WWOX: variants seen among roughly 807,000 people sequenced by gnomAD.
The protein encoded by WWOX is WW domain-containing oxidoreductase.
A neutral mutation model predicts 46.2 loss-of-function variants in WWOX; 69 were observed. The ratio of observed to expected loss-of-function variants is 1.49; its 90% CI spans 1.23 to 1.82. WWOX has a LOEUF of 1.82. Among genes scored for constraint, WWOX ranks in the 40% most tolerant of loss-of-function variants. The probability of loss-of-function intolerance (pLI) is 0.00; values close to 1 mark genes in which losing one functional copy is unlikely to be tolerated. For missense variants in WWOX, 919 were observed against 542.6 expected, an observed-to-expected ratio of 1.69 and a Z score of -6.89; for synonymous variants, 359 against 202.6, an observed-to-expected ratio of 1.77 and a Z score of -6.56.
At chr16:78,482,306 G>A (rs1416941134) in intron 8 of WWOX, among the ~76,000 whole-genome samples, 2 of 152,050 alleles carry the variant, frequency 1.3e-5, no homozygotes, top group African/African-American at 4.8e-5. Context: ...CGCGATCTTG[G>A]CTCACTGCAA....
intron 6 of WWOX, among the ~76,000 whole-genome samples, chr16:78,424,381 A>T (rs1421026098): frequency 6.6e-6 from 1 of 151,966 alleles, no homozygotes; most frequent in Non-Finnish European, 1.5e-5. Flanking sequence ...TGGCCTCCCA[A>T]AGTGCTGGGA....
At chr16:78,259,272 A>C (rs953463462) in intron 5 of WWOX, among the ~76,000 whole-genome samples, 1 of 152,234 alleles carries the variant, frequency 6.6e-6, no homozygotes, top group African/African-American at 2.4e-5. Flanking sequence ...AAAATGTTTA[A>C]AGTTATTAGC....
intron 5 of WWOX, among the ~76,000 whole-genome samples, chr16:78,372,883 A>G (rs775035378): frequency 2.6e-5 from 4 of 152,192 alleles, no homozygotes; most frequent in East Asian, 1.9e-4. Flanking sequence ...AGCAGCTACT[A>G]TGAGGCTATT....
chr16:79,146,023 T>A (rs932721391), intron 8 of WWOX, among the ~76,000 whole-genome samples: 2 of 152,204 alleles, frequency 1.3e-5, no homozygotes, highest in Non-Finnish European at 2.9e-5. Flanking sequence ...ATTAAGATTA[T>A]TTTCTAACCC....
chr16:78,814,477 A>C (rs763974890), intron 8 of WWOX, among the ~76,000 whole-genome samples: 8 of 152,198 alleles, frequency 5.3e-5, no homozygotes, highest in Non-Finnish European at 7.3e-5. Context: ...CTTGAAAAAA[A>C]AAAAATTAAG....
intron 8 of WWOX, chr16:79,077,528 C>T (rs577579545): frequency 3.9e-5 from 6 of 152,022 alleles, no homozygotes; most frequent in Non-Finnish European, 7.3e-5. Context: ...AAACATGCAG[C>T]TGTGGGGTTT....
intron 8 of WWOX, among the ~76,000 whole-genome samples, chr16:79,104,871 G>A (rs1344970622): frequency 1.3e-5 from 2 of 152,116 alleles, no homozygotes; most frequent in Non-Finnish European, 1.5e-5. Flanking sequence ...TCCAAACCTC[G>A]ACAGACAGCG....
chr16:79,053,835 A>C (rs566361555), intron 8 of WWOX, among the ~76,000 whole-genome samples: 3 of 152,160 alleles, frequency 2.0e-5, no homozygotes, highest in African/African-American at 4.8e-5. Flanking sequence ...TGCAGCTTCT[A>C]TTTAGGTAGG....
intron 8 of WWOX, among the ~76,000 whole-genome samples, chr16:79,050,246 C>T (rs985325646): frequency 6.6e-6 from 1 of 152,172 alleles, no homozygotes; most frequent in Non-Finnish European, 1.5e-5. Context: ...CCCCCTGTGT[C>T]TGTGGGTCAG....
At position 78,508,219 on chromosome 16, in the gene WWOX, C is replaced by T. The variant is rs1003157637; in HGVS notation, c.1056+75467C>T. ...AGAGACAGGGTTTCGCCATGTTGGC[C>T]GGGCTGGTCTTGAACTCCTGATCTC... On this transcript the variant is annotated intron_variant, in intron 8 of 8. Coordinates refer to ENST00000566780, the MANE Select transcript of WWOX (RefSeq NM_016373.4). 4.0e-5 allele frequency among the ~76,000 whole-genome samples: 6 copies of T among 150,974 alleles called. No homozygotes were observed. The East Asian group carries it at 9.8e-4, about 25-fold the overall frequency.
intron 5 of WWOX, among the ~76,000 whole-genome samples, chr16:78,334,306 G>C (rs540618224): frequency 2.0e-5 from 3 of 152,138 alleles, no homozygotes; most frequent in Non-Finnish European, 2.9e-5. Flanking sequence ...CACAATTTAT[G>C]TTGAATGCAA....
intron 8 of WWOX, among the ~76,000 whole-genome samples, chr16:78,558,313 A>T (rs564134350): frequency 6.6e-6 from 1 of 152,304 alleles, no homozygotes; most frequent in Non-Finnish European, 1.5e-5. Context: ...TGGCTTGTGG[A>T]TGTCTTTGGT....
At chr16:78,333,033 G>C (rs1313915349) in intron 5 of WWOX, among the ~76,000 whole-genome samples, 1 of 95,592 alleles carries the variant, frequency 1.0e-5, no homozygotes, top group Admixed American at 1.1e-4. Context: ...TAGCATGGAA[G>C]AGCATTATAC....
chr16:78,787,900 T>G (rs924806944), intron 8 of WWOX, among the ~76,000 whole-genome samples: 1 of 152,230 alleles, frequency 6.6e-6, no homozygotes, highest in African/African-American at 2.4e-5. Flanking sequence ...TGATTAATGA[T>G]GTTGAGTATT....
At chr16:78,788,904 C>A (rs1234103875) in intron 8 of WWOX, among the ~76,000 whole-genome samples, 5 of 152,200 alleles carry the variant, frequency 3.3e-5, no homozygotes, top group Admixed American at 3.3e-4. Flanking sequence ...CAGCTGCTGT[C>A]CCCTGCTTAG....
intron 8 of WWOX, among the ~76,000 whole-genome samples, chr16:78,801,551 A>G (rs891902364): frequency 8.5e-5 from 13 of 152,192 alleles, no homozygotes; most frequent in African/African-American, 2.7e-4. Context: ...CGATGAGGAT[A>G]TTTATCCTTC....
chr16:78,598,548 G>C (rs550944293), intron 8 of WWOX, among the ~76,000 whole-genome samples: 1 of 152,272 alleles, frequency 6.6e-6, no homozygotes, highest in Admixed American at 6.5e-5. Flanking sequence ...GAGAGATTTT[G>C]ACCAGGCAGG....
intron 8 of WWOX, among the ~76,000 whole-genome samples, chr16:79,104,328 A>C (rs2049265019): frequency 6.6e-6 from 1 of 152,218 alleles, no homozygotes; most frequent in South Asian, 2.1e-4. Context: ...ATTTCATAAG[A>C]CACATCATTT....
chr16:79,102,183 G>C (rs2049213998), intron 8 of WWOX, among the ~76,000 whole-genome samples: 1 of 152,020 alleles, frequency 6.6e-6, no homozygotes, highest in South Asian at 2.1e-4. Context: ...AATGTCATCT[G>C]AATGTCTCTT....
Sources: allele counts gnomAD v4.1 joint callset (sites outside exome capture counted in the v4.1 genomes callset), GRCh38; gene constraint gnomAD v4.1.1; transcripts MANE v1.5; gene names NCBI Gene and HGNC (gene_info 2026-07-23, HGNC 2026-07-21).